The following NYAP1 variants were observed in gnomAD, a reference collection of about 807,000 sequenced individuals.
NYAP1 encodes the protein neuronal tyrosine phosphorylated phosphoinositide-3-kinase adaptor 1.
In NYAP1, 20 loss-of-function variants were observed where a neutral mutation model predicts 58.6. The ratio of observed to expected loss-of-function variants is 0.34; its 90% CI spans 0.24 to 0.50. The LOEUF is 0.50. NYAP1 is among the 20% of genes least tolerant of loss of function. NYAP1 has a pLI of 0.98. For synonymous variants in NYAP1, 572 were observed against 523.1 expected (o/e 1.09, Z -1.27); for missense variants, 1,150 against 1,194.5 (o/e 0.96, Z 0.55).
rs1482046058 is a variant in NYAP1, at chr7:100,487,406, C to T, written c.430+224C>T. ...GTTCTTGAGAAAGGGGTGGTGGCCT[C>T]AGAGGGACAATGAAGGTAGGAGCTG... On this transcript the variant is annotated intron_variant, in intron 3 of 6. Coordinates refer to ENST00000300179, the MANE Select transcript of NYAP1 (RefSeq NM_173564.4). The surrounding 1 kb of genome is among the most constrained non-coding windows in gnomAD (Gnocchi z 4.1). Among the ~76,000 whole-genome samples, 1 of 152,106 alleles carries T rather than the reference C, an allele frequency of 6.6e-6. No homozygotes were observed. The highest frequency in any genetic ancestry group is 1.5e-5 in the Non-Finnish European group (1 of 68,018).
chr7:100,487,521 A>G lies in NYAP1; in HGVS notation c.430+339A>G, dbSNP rs1339960204. Among the ~76,000 whole-genome samples, 1 of 148,626 alleles carries G rather than the reference A, an allele frequency of 6.7e-6. No homozygotes were observed. The highest frequency in any genetic ancestry group is 6.7e-5 in the Admixed American group (1 of 14,868). ...TAATCTCAGCACTTTTTTTTTTTTG[A>G]GACAGAGTCTCGCTCTGTTGCCCAG... On this transcript the variant is annotated intron_variant, in intron 3 of 6. Transcript: ENST00000300179. This position sits in a 1 kb window ranked among gnomAD's most constrained non-coding sequence, Gnocchi z 4.1.
At chr7:100,484,729 G>C (rs1476475791) in intron 1 of NYAP1, among the ~76,000 whole-genome samples, 1 of 152,110 alleles carries the variant, frequency 6.6e-6, no homozygotes, top group East Asian at 1.9e-4. Context: ...AACTCTGCCT[G>C]TAGGTGTGTC....
chr7:100,488,452 C>T lies in NYAP1; in HGVS notation c.731C>T (p.Pro244Leu), dbSNP rs751413569. 1.4e-5 allele frequency: 22 copies of T among 1,608,928 alleles called. No homozygotes were observed. Among genetic ancestry groups the T allele is most frequent in the African/African-American group, 5.3e-5 (4 of 74,898 alleles). The change falls in exon 4 of 7, where the codon CCG (proline) becomes CTG (leucine). Residue 244 changes from proline (P) to leucine (L), a missense_variant. By Grantham distance (98) the Pro-to-Leu change is moderately conservative. Transcript: ENST00000300179. The surrounding 1 kb of genome is among the most constrained non-coding windows in gnomAD (Gnocchi z 5.9). The part of the protein sequence containing the change: ...LAGPPLGGGG[P>L]TPPAGADSDS... ...GGGCCCCCTCTTGGGGGTGGGGGCC[C>T]GACCCCTCCAGCGGGCGCCGACTCG...
In NYAP1 at chr7:100,488,269, GC is replaced by G; in HGVS notation, c.552del (p.Ser185LeufsTer18). The G allele has an allele frequency of 1.2e-6, 2 of 1,613,878 alleles. No individual in the cohort carries two copies. Among genetic ancestry groups the G allele is most frequent in the Non-Finnish European group, 1.7e-6 (2 of 1,179,906 alleles). On this transcript the variant is annotated frameshift_variant, in exon 4 of 7. Transcript: ENST00000300179. LOFTEE classifies it high-confidence loss of function. The surrounding 1 kb of genome is among the most constrained non-coding windows in gnomAD (Gnocchi z 5.9). ...SVSFDESCPP[G>X]PSPRGGNLPL... is the part of the protein sequence containing the mutation. ...TCCTTCGATGAGTCCTGCCCCCCAG[GC>G]CCCTCTCCTCGAGGGGGGAACCTGC...
chr7:100,493,526 G>T, intron 6 of NYAP1, 120 bp from the exon 7 acceptor site: 5 of 918,724 alleles, frequency 5.4e-6, no homozygotes, highest in Non-Finnish European at 7.9e-6. Flanking sequence ...AGGCCGTTGG[G>T]GGGCAAGCAA....
rs1260015283 is a variant in NYAP1, at chr7:100,485,252, G to GC, written c.-54dup. Reference sequence around the variant, plus strand: ...GTGGATCCGGGACCCAGGGAGGGCCGCCCCCCGGGCCTGGTGGCACTGAGC... The same window carrying GC: ...GTGGATCCGGGACCCAGGGAGGGCCGCCCCCCCGGGCCTGGTGGCACTGAGC... On this transcript the variant is annotated 5_prime_UTR_variant, in exon 2 of 7. Transcript: ENST00000300179. The surrounding 1 kb of genome is among the most constrained non-coding windows in gnomAD (Gnocchi z 5.7). The GC allele has an allele frequency of 2.0e-5, 20 of 985,610 alleles. No individual in the cohort carries two copies. Among genetic ancestry groups the GC allele is most frequent in the East Asian group, 8.3e-5 (3 of 36,038 alleles). The allele number at this position is 985,610 out of a possible 1,614,324, so 61.1% of individuals were successfully genotyped here.
Position 100,488,925 on chromosome 7 carries a change from C to A in NYAP1, c.1204C>A (p.Arg402=), listed in dbSNP as rs748095840. 11 of 1,580,974 alleles carry A rather than the reference C, an allele frequency of 7.0e-6. No individual in the cohort carries two copies. The African/African-American group carries it at 1.4e-4, about 19-fold the overall frequency. Residue 402 remains arginine, a synonymous_variant, in exon 4 of 7, where the codon CGG becomes AGG. Coordinates refer to ENST00000300179, the MANE Select transcript of NYAP1 (RefSeq NM_173564.4). The surrounding 1 kb of genome is among the most constrained non-coding windows in gnomAD (Gnocchi z 5.9). ...CCTGCTGCTGCTGGGACCATCGGGC[C>A]GGGCCCGGAGCCACTCGACACCGTT... ...ANLLLLGPSG[R]ARSHSTPLPP...
rs1427815280 is a variant in NYAP1, at chr7:100,486,782, AG to A, written c.69-37del. On this transcript the variant is annotated intron_variant, in intron 2 of 6. Transcript: ENST00000300179. The surrounding 1 kb of genome is among the most constrained non-coding windows in gnomAD (Gnocchi z 6.2). ...TGGAGAAGGGGGATGCCCAGGTCCG[AG>A]GCCCTTCCTCCACTCCATCGTGGCC... The A allele has an allele frequency of 7.0e-7, 1 of 1,427,638 alleles. No homozygotes were observed. Among genetic ancestry groups the A allele is most frequent in the Non-Finnish European group, 9.1e-7 (1 of 1,094,994 alleles). 88.4% of individuals were successfully genotyped at this position (1,427,638 alleles called of 1,614,324 possible). A position where few individuals can be genotyped will look rare whatever the true frequency, so the allele number is the denominator to read the frequency against.
At position 100,493,774 on chromosome 7, in the gene NYAP1, G is replaced by T; in HGVS notation, c.2397G>T (p.Pro799=). ...AGGAGATCAAGGCGCGCCACCGCCC[G>T]GACCGAGGCCTCTGCAAGCAGGAGA... The part of the protein sequence containing the change: ...VCKEIKARHR[P]DRGLCKQESM... Residue 799 remains proline, a synonymous_variant, in exon 7 of 7, where the codon CCG becomes CCT. Coordinates refer to ENST00000300179, the MANE Select transcript of NYAP1 (RefSeq NM_173564.4). 2 of 1,605,504 alleles carry T rather than the reference G, an allele frequency of 1.2e-6. No individual in the cohort carries two copies. The highest frequency in any genetic ancestry group is 2.2e-5 in the East Asian group (1 of 44,606).
chr7:100,488,594 G>A lies in NYAP1; in HGVS notation c.873G>A (p.Gln291=), dbSNP rs781679581. 2 of 1,611,156 alleles carry A rather than the reference G, an allele frequency of 1.2e-6. No individual in the cohort carries two copies. The highest frequency in any genetic ancestry group is 1.7e-6 in the Non-Finnish European group (2 of 1,179,182). The change falls in exon 4 of 7, where the codon CAG becomes CAA. Residue 291 remains glutamine (Q), a synonymous_variant. Transcript: ENST00000300179. This position sits in a 1 kb window ranked among gnomAD's most constrained non-coding sequence, Gnocchi z 5.9. ...PPLTATSPPQ[Q]PHALPPHAHR... is the part of the protein sequence containing the mutation. ...TGACGGCAACATCCCCGCCACAACA[G>A]CCTCACGCCCTTCCGCCCCATGCCC...
intron 6 of NYAP1, 147 bp from the exon 7 acceptor site, chr7:100,493,499 C>T (rs1284181420): frequency 1.3e-6 from 1 of 753,062 alleles, no homozygotes; most frequent in Non-Finnish European, 2.1e-6. Context: ...GGCCCCACAG[C>T]CAGAGGGAGC....
Position 100,494,013 on chromosome 7 carries a change from A to G in NYAP1, c.*110A>G. The G allele has an allele frequency of 9.9e-7, 1 of 1,008,520 alleles. No homozygotes were observed. Among genetic ancestry groups the G allele is most frequent in the South Asian group, 1.9e-5 (1 of 53,136 alleles). The allele number at this position is 1,008,520 out of a possible 1,614,324, so 62.5% of individuals were successfully genotyped here. On this transcript the variant is annotated 3_prime_UTR_variant, in exon 7 of 7. Transcript: ENST00000300179. ...TTGAAAGACTACGTGGGAGAGTGCC[A>G]GGGAGAACCCCTGCCCTCCAACCTA... is the stretch of plus-strand genomic sequence containing the variant.
In NYAP1 at chr7:100,488,914, G is replaced by A. The variant is rs1444194424; in HGVS notation, c.1193G>A (p.Gly398Glu). The A allele has an allele frequency of 1.3e-6, 2 of 1,590,462 alleles. No homozygotes were observed. The highest frequency in any genetic ancestry group is 1.7e-6 in the Non-Finnish European group (2 of 1,172,694). The change falls in exon 4 of 7, where the codon GGA (glycine) becomes GAA (glutamate). Residue 398 changes from glycine (G) to glutamate (E), a missense_variant. By Grantham distance (98) the Gly-to-Glu change is moderately conservative. Coordinates refer to ENST00000300179, the MANE Select transcript of NYAP1 (RefSeq NM_173564.4). The surrounding 1 kb of genome is among the most constrained non-coding windows in gnomAD (Gnocchi z 5.9). ...CCTGCTGCCAACCTGCTGCTGCTGGGACCATCGGGCCGGGCCCGGAGCCAC... is the reference window on the plus strand; with the variant it reads ...CCTGCTGCCAACCTGCTGCTGCTGGAACCATCGGGCCGGGCCCGGAGCCAC... ...PPPAANLLLL[G>E]PSGRARSHST...
rs1345938829 is a variant in NYAP1 at position 100,493,763 on chromosome 7, C to A, written c.2386C>A (p.Arg796Ser). Residue 796 changes from arginine (R) to serine (S), a missense_variant, in exon 7 of 7, where the codon CGC becomes AGC. Arg to Ser is a moderately radical substitution (Grantham distance 110). Transcript: ENST00000300179. ...KRCVCKEIKARHRPDRGLCKQ... is the reference protein window; with the variant it reads ...KRCVCKEIKASHRPDRGLCKQ... ...CTGCGTGTGCAAGGAGATCAAGGCGCGCCACCGCCCGGACCGAGGCCTCTG... is the reference window on the plus strand; with the variant it reads ...CTGCGTGTGCAAGGAGATCAAGGCGAGCCACCGCCCGGACCGAGGCCTCTG... 6.2e-7 allele frequency: 1 copy of A among 1,605,572 alleles called. No homozygotes were observed. The highest frequency in any genetic ancestry group is 1.7e-5 in the Admixed American group (1 of 59,674).
At position 100,489,075 on chromosome 7, in the gene NYAP1, C is replaced by G; in HGVS notation, c.1354C>G (p.Pro452Ala). 1.3e-6 allele frequency: 2 copies of G among 1,549,620 alleles called. No individual in the cohort carries two copies. The highest frequency in any genetic ancestry group is 1.4e-5 in the African/African-American group (1 of 73,558). The change falls in exon 4 of 7, where the codon CCC (proline) becomes GCC (alanine). Residue 452 changes from proline (P) to alanine (A), a missense_variant. Transcript: ENST00000300179. ...TGCCCCGGCCGCCTTGCTCCCCGGC[C>G]CCCCCAAGGACAAGGCCGTGTCTTA... Reference protein sequence around the residue: ...PPAPAALLPGPPKDKAVSYTM... With the variant: ...PPAPAALLPGAPKDKAVSYTM...
At position 100,489,575 on chromosome 7, in the gene NYAP1, A is replaced by G. The variant is rs906281358; in HGVS notation, c.1854A>G (p.Glu618=). The part of the protein sequence containing the change: ...VIASAGTPEE[E]EEEVGAATFG... ...CCAGCGCAGGGACACCAGAGGAGGA[A>G]GAAGAGGAGGTGGGCGCCGCGACAT... Residue 618 remains glutamate, a synonymous_variant, in exon 4 of 7, where the codon GAA becomes GAG. Transcript: ENST00000300179. The G allele has an allele frequency of 1.9e-6, 3 of 1,612,950 alleles. 1 individual carries two copies. Among genetic ancestry groups the G allele is most frequent in the Non-Finnish European group, 8.5e-7 (1 of 1,179,862 alleles).
At position 100,488,775 on chromosome 7, in the gene NYAP1, G is replaced by A. The variant is rs148577061; in HGVS notation, c.1054G>A (p.Asp352Asn). 4.1e-5 allele frequency: 65 copies of A among 1,593,000 alleles called. No individual in the cohort carries two copies. The highest frequency in any genetic ancestry group is 1.6e-4 in the African/African-American group (12 of 74,208). The change falls in exon 4 of 7, where the codon GAT (aspartate) becomes AAT (asparagine). Residue 352 changes from aspartate (D) to asparagine (N), a missense_variant. Physicochemically the swap from Asp to Asn is conservative, Grantham distance 23. Transcript: ENST00000300179. The surrounding 1 kb of genome is among the most constrained non-coding windows in gnomAD (Gnocchi z 5.9). ...QAKSASRTPG[D>N]GVSRLPVLCH... ...CAAGTCTGCTTCCCGAACCCCTGGC[G>A]ATGGGGTCTCAAGGCTACCTGTCCT...
chr7:100,491,874 C>T (rs1380955026), intron 6 of NYAP1, among the ~76,000 whole-genome samples: 1 of 152,080 alleles, frequency 6.6e-6, no homozygotes, highest in Non-Finnish European at 1.5e-5. Context: ...TAGTGAAATC[C>T]CATCTGTACT....
intron 1 of NYAP1, among the ~76,000 whole-genome samples, chr7:100,484,451 C>A (rs959285633): frequency 2.0e-5 from 3 of 152,078 alleles, no homozygotes; most frequent in Admixed American, 6.6e-5. Context: ...GAGGCAGAGA[C>A]TAAACCATTG....
Sources: gnomAD v4.1 joint callset for allele counts (sites outside exome capture counted in the v4.1 genomes callset) on GRCh38, gnomAD v4.1.1 for gene constraint, Gnocchi (gnomAD v3.1) non-coding constraint, MANE v1.5 for transcripts, NCBI Gene and HGNC (gene_info 2026-07-23, HGNC 2026-07-21) for gene names.